PER2: variants seen among roughly 807,000 people sequenced by gnomAD.
PER2 encodes period circadian protein homolog 2.
A neutral mutation model predicts 121.0 loss-of-function variants in PER2; 66 were observed. The ratio of observed to expected loss-of-function variants is 0.55; its 90% CI spans 0.45 to 0.67. The LOEUF (loss-of-function observed/expected upper bound fraction) is 0.67. Among genes scored for constraint, PER2 ranks in the 30% least tolerant of loss-of-function variants. The pLI, the probability that PER2 is intolerant of heterozygous loss-of-function variation, is 0.00. For synonymous variants in PER2, 684 were observed against 659.9 expected, an observed-to-expected ratio of 1.04 and a Z score of -0.56; for missense variants, 1,521 against 1,635.0, an observed-to-expected ratio of 0.93 and a Z score of 1.20.
intron 4 of PER2, among the ~76,000 whole-genome samples, 157 bp downstream of exon 4, chr2:238,275,586 G>A (rs961602875): frequency 6.6e-6 from 1 of 152,236 alleles, no homozygotes; most frequent in Non-Finnish European, 1.5e-5. Context: ...CTACTCAGGA[G>A]GCTGTGGCAG....
intron 1 of PER2, among the ~76,000 whole-genome samples, chr2:238,280,373 T>G (rs1298850221): frequency 6.6e-6 from 1 of 152,172 alleles, no homozygotes; most frequent in East Asian, 1.9e-4. Flanking sequence ...GTTCACAAAC[T>G]AATAAACAGA....
At chr2:238,288,272 CAA>C (rs1696849479) in intron 1 of PER2, 75 bp downstream of exon 1, 3 of 152,290 alleles carry the variant, frequency 2.0e-5, no homozygotes, top group African/African-American at 4.8e-5. Context: ...GGAGGGTTCC[CAA>C]AAGAGAATCG....
In PER2 at chr2:238,253,836, C is replaced by A; in HGVS notation, c.2321-134G>T. On this transcript the variant is annotated intron_variant, in intron 18 of 22. Coordinates refer to ENST00000254657, the MANE Select transcript of PER2 (RefSeq NM_022817.3). This position sits in a 1 kb window ranked among gnomAD's most constrained non-coding sequence, Gnocchi z 5.6. ...GTCCACCGAGCGGTTTTCCCTGATCCTCAGTGAAGTGAGAAAAATCAGGGC... is the reference window on the plus strand; with the variant it reads ...GTCCACCGAGCGGTTTTCCCTGATCATCAGTGAAGTGAGAAAAATCAGGGC... The A allele has an allele frequency of 2.9e-6, 2 of 686,260 alleles. No individual in the cohort carries two copies. The highest frequency in any genetic ancestry group is 5.1e-6 in the Non-Finnish European group (2 of 393,042). The allele number at this position is 686,260 out of a possible 1,614,324, so 42.5% of individuals were successfully genotyped here. A position where few individuals can be genotyped will look rare whatever the true frequency, so the allele number is the denominator to read the frequency against.
upstream of PER2, among the ~76,000 whole-genome samples, chr2:238,294,444 C>T (rs960065626): frequency 5.9e-5 from 9 of 152,172 alleles, no homozygotes; most frequent in Non-Finnish European, 1.3e-4. Flanking sequence ...TGCAGGAGCC[C>T]GAGTTTGGGG....
the PER2 span, chr2:238,299,670 G>A: frequency 6.6e-6 from 1 of 152,256 alleles, no homozygotes; most frequent in Non-Finnish European, 1.5e-5. Context: ...ATGGTCCTGA[G>A]ACCATGGCTA....
chr2:238,258,813 A>C (rs1695840241), intron 14 of PER2, among the ~76,000 whole-genome samples, 169 bp from the exon 15 acceptor site: 1 of 152,072 alleles, frequency 6.6e-6, no homozygotes, highest in Admixed American at 6.5e-5. Flanking sequence ...TGTGGGCACG[A>C]GCACCACAGT....
intron 21 of PER2, 51 bp from the exon 22 acceptor site, chr2:238,249,263 C>T (rs763475105): frequency 5.9e-6 from 9 of 1,538,178 alleles, no homozygotes; most frequent in South Asian, 5.7e-5. Context: ...TTAAGGGTAT[C>T]TATTTTTATT....
Position 238,262,333 on chromosome 2 carries a change from C to G in PER2, c.1165G>C (p.Gly389Arg). ...GGAGAATAGTCGAAAGGCTGCCCGC[C>G]TGACTGCAGGACTAGGAGAGCAAAA... ...LAIHKKILQS[G>R]GQPFDYSPIR... The change falls in exon 11 of 23, where the codon GGC (glycine) becomes CGC (arginine). Residue 389 changes from glycine (G) to arginine (R), a missense_variant. Transcript: ENST00000254657. The G allele has an allele frequency of 6.2e-7, 1 of 1,614,078 alleles. No homozygotes were observed. The highest frequency in any genetic ancestry group is 1.3e-5 in the African/African-American group (1 of 75,026).
At chr2:238,248,256 G>A (rs1044524171) in intron 22 of PER2, among the ~76,000 whole-genome samples, 1 of 152,208 alleles carries the variant, frequency 6.6e-6, no homozygotes, top group African/African-American at 2.4e-5. Flanking sequence ...GACGAGGACT[G>A]AGAAGTGACA....
intron 21 of PER2, among the ~76,000 whole-genome samples, chr2:238,249,615 AGG>A (rs1695545398): frequency 6.6e-6 from 1 of 152,160 alleles, no homozygotes; most frequent in East Asian, 1.9e-4. Flanking sequence ...AGCTGACCAG[AGG>A]ACTTAGGGGT....
intron 5 of PER2, among the ~76,000 whole-genome samples, chr2:238,272,431 C>T (rs1696317932): frequency 6.6e-6 from 1 of 152,242 alleles, no homozygotes; most frequent in Admixed American, 6.5e-5. Context: ...GGCGCTCTAC[C>T]TGCTGGCTGG....
chr2:238,262,186 C>G lies in PER2; in HGVS notation c.1307+5G>C. 6.2e-7 allele frequency: 1 copy of G among 1,613,520 alleles called. No individual in the cohort carries two copies. The highest frequency in any genetic ancestry group is 8.5e-7 in the Non-Finnish European group (1 of 1,179,970). ...TGAGCCACCTCGGGCCCTTGGAGCA[C>G]TCACACCCTGACTTTGTGCCTCCCA... On this transcript the variant is annotated splice_donor_5th_base_variant and intron_variant, in intron 11 of 22. Coordinates refer to ENST00000254657, the MANE Select transcript of PER2 (RefSeq NM_022817.3).
chr2:238,282,430 G>A (rs74001653), intron 1 of PER2, among the ~76,000 whole-genome samples: 2,282 of 152,246 alleles, frequency 0.015, 68 homozygotes, highest in African/African-American at 0.052. Flanking sequence ...GGTTTGCGTT[G>A]GTCAATGCTG....
intron 2 of PER2, 36 bp downstream of exon 2, chr2:238,277,671 C>G: frequency 5.6e-6 from 9 of 1,612,162 alleles, no homozygotes; most frequent in Non-Finnish European, 7.6e-6. Flanking sequence ...AGAAAACAAC[C>G]TGCCCAGCCT....
intron 22 of PER2, among the ~76,000 whole-genome samples, chr2:238,248,301 C>T (rs1695500671): frequency 6.6e-6 from 1 of 152,190 alleles, no homozygotes; most frequent in Admixed American, 6.5e-5. Flanking sequence ...GAGACCTTGA[C>T]AAGAGCAGCT....
chr2:238,251,595 A>AT lies in PER2; in HGVS notation c.3274+3dup, dbSNP rs1310601651. 4 of 1,613,758 alleles carry AT rather than the reference A, an allele frequency of 2.5e-6. No homozygotes were observed. Among genetic ancestry groups the AT allele is most frequent in the Non-Finnish European group, 3.4e-6 (4 of 1,179,758 alleles). On this transcript the variant is annotated splice_donor_region_variant and intron_variant, in intron 20 of 22. Coordinates refer to ENST00000254657, the MANE Select transcript of PER2 (RefSeq NM_022817.3). ...TGCCTAACACCCCGCCAGGGCCAACATACCTGCCCCACTCGGGGAGGCGTC... is the reference window on the plus strand; with the variant it reads ...TGCCTAACACCCCGCCAGGGCCAACATTACCTGCCCCACTCGGGGAGGCGTC...
At chr2:238,276,974 A>G (rs1392232140) in intron 3 of PER2, among the ~76,000 whole-genome samples, 157 bp downstream of exon 3, 1 of 152,156 alleles carries the variant, frequency 6.6e-6, no homozygotes, top group Non-Finnish European at 1.5e-5. Flanking sequence ...CAGTGTCTGA[A>G]AGGCCAGAGT....
chr2:238,264,096 TTCA>T (rs1285228424), intron 9 of PER2, among the ~76,000 whole-genome samples: 12 of 152,152 alleles, frequency 7.9e-5, no homozygotes, highest in Non-Finnish European at 1.8e-4. Flanking sequence ...CACACAAGGC[TTCA>T]TCAAGGAGAG....
Position 238,277,775 on chromosome 2 carries a change from C to T in PER2, c.162G>A (p.Gln54=), listed in dbSNP as rs769784840. The T allele has an allele frequency of 2.5e-6, 4 of 1,614,210 alleles. No individual in the cohort carries two copies. In the Admixed American group the frequency reaches 6.7e-5, roughly 27 times the overall value. Reference sequence around the variant, plus strand: ...TCCCACTGTCGTCACAGTCACTGCCCTGCGAGTCCCGCCCCGTGGAGCAGT... The same window carrying T: ...TCCCACTGTCGTCACAGTCACTGCCTTGCGAGTCCCGCCCCGTGGAGCAGT... ...NENCSTGRDS[Q]GSDCDDSGKE... is the part of the protein sequence containing the mutation. The change falls in exon 2 of 23, where the codon CAG becomes CAA. Residue 54 remains glutamine, a synonymous_variant. Transcript: ENST00000254657.
Sources: gnomAD v4.1 joint callset for allele counts (sites outside exome capture counted in the v4.1 genomes callset) on GRCh38, gnomAD v4.1.1 for gene constraint, Gnocchi (gnomAD v3.1) non-coding constraint, MANE v1.5 for transcripts, NCBI Gene and HGNC (gene_info 2026-07-23, HGNC 2026-07-21) for gene names.